The following CTNNA3 variants were observed in gnomAD, a reference collection of about 807,000 sequenced individuals.
The protein encoded by CTNNA3 is catenin alpha-3.
In CTNNA3, 76 loss-of-function variants were observed where a neutral mutation model predicts 95.7. That is an observed-to-expected ratio of 0.79 (90% CI 0.66 to 0.96). The LOEUF is 0.96. Ranked by LOEUF, CTNNA3 falls within the 40% of genes least tolerant of loss-of-function variation. CTNNA3 has a pLI of 0.00. For synonymous variants in CTNNA3, 431 were observed against 374.4 expected (o/e 1.15, Z -1.74); for missense variants, 1,191 against 1,089.8 (o/e 1.09, Z -1.31).
intron 5 of CTNNA3, among the ~76,000 whole-genome samples, chr10:67,252,068 G>A (rs756254176): frequency 1.3e-5 from 2 of 151,946 alleles, no homozygotes; most frequent in African/African-American, 2.4e-5. Flanking sequence ...AAAATTAACC[G>A]GGCATGGTGG....
intron 11 of CTNNA3, among the ~76,000 whole-genome samples, chr10:66,424,846 T>C (rs2093225569): frequency 6.6e-6 from 1 of 152,110 alleles, no homozygotes; most frequent in Non-Finnish European, 1.5e-5. Flanking sequence ...TTTCAATTTC[T>C]GATAGCATTG....
At chr10:66,448,248 C>T (rs2093437546) in intron 11 of CTNNA3, among the ~76,000 whole-genome samples, 1 of 152,138 alleles carries the variant, frequency 6.6e-6, no homozygotes, top group Admixed American at 6.6e-5. Context: ...ACTAGTTCAA[C>T]CATTGTGGAA....
At chr10:67,195,917 T>G (rs1427530396) in intron 6 of CTNNA3, among the ~76,000 whole-genome samples, 1 of 152,104 alleles carries the variant, frequency 6.6e-6, no homozygotes, top group Non-Finnish European at 1.5e-5. Flanking sequence ...CTAAAAATCT[T>G]ACACCTATTC....
chr10:67,321,474 T>C (rs1194447073), intron 5 of CTNNA3, among the ~76,000 whole-genome samples: 2 of 152,230 alleles, frequency 1.3e-5, no homozygotes, highest in African/African-American at 4.8e-5. Flanking sequence ...TTAAGTGCCA[T>C]CCTAGACCAA....
intron 7 of CTNNA3, among the ~76,000 whole-genome samples, chr10:67,123,666 A>G (rs1219915143): frequency 6.6e-6 from 1 of 152,240 alleles, no homozygotes; most frequent in Non-Finnish European, 1.5e-5. Flanking sequence ...TATAAAAGAT[A>G]AAGTAAATTT....
chr10:67,000,549 A>G (rs1167694306), intron 7 of CTNNA3, among the ~76,000 whole-genome samples: 3 of 152,194 alleles, frequency 2.0e-5, no homozygotes, highest in Non-Finnish European at 2.9e-5. Context: ...GCTAAAAATT[A>G]CACCAATCAC....
At chr10:67,673,936 T>G (rs1000184386) in intron 1 of CTNNA3, among the ~76,000 whole-genome samples, 2 of 151,508 alleles carry the variant, frequency 1.3e-5, no homozygotes, top group Admixed American at 1.3e-4. Flanking sequence ...AAATATATTT[T>G]GTGTCCATAT....
At chr10:67,659,931 T>G (rs1840132440) in intron 1 of CTNNA3, among the ~76,000 whole-genome samples, 1 of 152,252 alleles carries the variant, frequency 6.6e-6, no homozygotes, top group Non-Finnish European at 1.5e-5. Context: ...ATTTCTTCTT[T>G]GTTCTCTGTT....
At chr10:67,349,379 A>G (rs1200712787) in intron 5 of CTNNA3, among the ~76,000 whole-genome samples, 1 of 152,226 alleles carries the variant, frequency 6.6e-6, no homozygotes, top group African/African-American at 2.4e-5. Flanking sequence ...GCCTTTAAAA[A>G]GAAGGAAATT....
At chr10:66,303,109 TA>T (rs1477418473) in intron 12 of CTNNA3, among the ~76,000 whole-genome samples, 1 of 152,152 alleles carries the variant, frequency 6.6e-6, no homozygotes, top group Non-Finnish European at 1.5e-5. Context: ...TATTCAAATG[TA>T]AAATGTTACA....
chr10:66,386,953 G>T (rs550552116), intron 11 of CTNNA3, among the ~76,000 whole-genome samples: 11 of 152,116 alleles, frequency 7.2e-5, no homozygotes, highest in Non-Finnish European at 1.6e-4. Flanking sequence ...ATTCAAGATG[G>T]ATTAAAGACT....
intron 7 of CTNNA3, chr10:67,015,426 C>T (rs1376286412): frequency 1.3e-5 from 2 of 152,114 alleles, no homozygotes; most frequent in Non-Finnish European, 2.9e-5. Context: ...TCTCTTGATA[C>T]TATATTTGAC....
intron 7 of CTNNA3, among the ~76,000 whole-genome samples, chr10:67,095,681 C>T (rs1857947823): frequency 6.6e-6 from 1 of 151,776 alleles, no homozygotes; most frequent in South Asian, 2.1e-4. Context: ...AATGATTCTG[C>T]ATATATGAGG....
intron 7 of CTNNA3, among the ~76,000 whole-genome samples, chr10:66,829,480 G>GCA (rs1489842806): frequency 6.6e-6 from 1 of 151,744 alleles, no homozygotes; most frequent in Non-Finnish European, 1.5e-5. Flanking sequence ...GGCCATGGTG[G>GCA]CACACACCTG....
intron 5 of CTNNA3, among the ~76,000 whole-genome samples, chr10:67,305,029 C>A (rs1280446540): frequency 6.6e-6 from 1 of 152,110 alleles, no homozygotes; most frequent in Non-Finnish European, 1.5e-5. Flanking sequence ...GTAATCCCAG[C>A]ACTTTGGGAG....
intron 7 of CTNNA3, among the ~76,000 whole-genome samples, chr10:67,153,491 T>A (rs1301267170): frequency 6.6e-6 from 1 of 152,214 alleles, no homozygotes; most frequent in Non-Finnish European, 1.5e-5. Context: ...TTTTTTCAGA[T>A]AAGAAACTGG....
rs550019560 is a variant in CTNNA3 at position 66,645,407 on chromosome 10, G to C, written c.1282-23623C>G. Among the ~76,000 whole-genome samples, 7 of 151,990 alleles carry C rather than the reference G, an allele frequency of 4.6e-5. 1 individual carries two copies. The highest frequency in any genetic ancestry group is 2.0e-4 in the Admixed American group (3 of 15,256). On this transcript the variant is annotated intron_variant, in intron 9 of 17. Transcript: ENST00000433211. The stretch of plus-strand genomic sequence containing the variant: ...TTGTGTACAGTGTGAGACTTCGTTC[G>C]GAACTCATTTTGCTGCCTATAGGTG...
chr10:67,418,846 C>T (rs1419726211), intron 5 of CTNNA3, among the ~76,000 whole-genome samples: 1 of 151,914 alleles, frequency 6.6e-6, no homozygotes, highest in South Asian at 2.1e-4. Context: ...GAGAATAAAT[C>T]GTAAGTGTTC....
intron 10 of CTNNA3, among the ~76,000 whole-genome samples, chr10:66,583,867 G>C (rs1194043577): frequency 6.6e-6 from 1 of 151,770 alleles, no homozygotes. Context: ...CAGAGGTTTT[G>C]ATAACTTGTG....
Sources: allele counts gnomAD v4.1 joint callset (sites outside exome capture counted in the v4.1 genomes callset), GRCh38; gene constraint gnomAD v4.1.1; transcripts MANE v1.5; gene names NCBI Gene and HGNC (gene_info 2026-07-23, HGNC 2026-07-21).